Variants in PHF14 observed in about 807,000 individuals in gnomAD.
The protein encoded by PHF14 is PHD finger protein 14.
In PHF14, 55 loss-of-function variants were observed where a neutral mutation model predicts 117.9. The ratio of observed to expected loss-of-function variants is 0.47; its 90% CI spans 0.38 to 0.58. PHF14 has a LOEUF of 0.58. Among genes scored for constraint, PHF14 ranks in the 20% least tolerant of loss-of-function variants. The probability of loss-of-function intolerance (pLI) is 0.00; values close to 1 mark genes in which losing one functional copy is unlikely to be tolerated. For missense variants in PHF14, 978 were observed against 1,122.2 expected, an observed-to-expected ratio of 0.87 and a Z score of 1.84; for synonymous variants, 409 against 368.6, an observed-to-expected ratio of 1.11 and a Z score of -1.26.
At chr7:10,977,405 T>C (rs1375716719) in intron 2 of PHF14, among the ~76,000 whole-genome samples, 1 of 152,172 alleles carries the variant, frequency 6.6e-6, no homozygotes. Flanking sequence ...TCTTCTTACC[T>C]TCATCTTGAA....
intron 7 of PHF14, among the ~76,000 whole-genome samples, chr7:11,033,229 C>T (rs779077557): frequency 6.6e-6 from 1 of 152,132 alleles, no homozygotes; most frequent in East Asian, 1.9e-4. Flanking sequence ...AACCAAGTAA[C>T]GAGTTGCTTA....
At chr7:11,011,035 A>G (rs1021775405) in intron 4 of PHF14, among the ~76,000 whole-genome samples, 1 of 152,196 alleles carries the variant, frequency 6.6e-6, no homozygotes, top group African/African-American at 2.4e-5. Context: ...TGCTTGAAGC[A>G]GCTTGTGTAA....
At chr7:11,076,397 T>C (rs950397996) in intron 16 of PHF14, among the ~76,000 whole-genome samples, 4 of 152,270 alleles carry the variant, frequency 2.6e-5, no homozygotes, top group Non-Finnish European at 4.4e-5. Context: ...TCTATTCTTA[T>C]AAGTATGCTG....
chr7:11,107,681 TATA>T (rs1336888848), intron 16 of PHF14: 1 of 658,274 alleles, frequency 1.5e-6, no homozygotes, highest in African/African-American at 2.0e-5. Context: ...GTGCTATTCG[TATA>T]ATAATCTGTT....
chr7:11,029,549 C>T (rs1784049560), intron 7 of PHF14, among the ~76,000 whole-genome samples: 1 of 152,132 alleles, frequency 6.6e-6, no homozygotes, highest in Admixed American at 6.5e-5. Flanking sequence ...CCACTCTCCT[C>T]ACTCAATTTT....
Position 11,052,211 on chromosome 7 carries a change from G to A in PHF14, c.2481+431G>A, listed in dbSNP as rs181450510. On this transcript the variant is annotated intron_variant, in intron 14 of 17. Transcript: ENST00000634607. The stretch of plus-strand genomic sequence containing the variant: ...AATAATACATGGTTTATTTTTGTAG[G>A]TTTTGAATTTCATATGAATGGAATC... Among the ~76,000 whole-genome samples the A allele has an allele frequency of 2.3e-3, 344 of 152,192 alleles. 1 individual carries two copies. The highest frequency in any genetic ancestry group is 7.8e-3 in the African/African-American group (325 of 41,538).
intron 14 of PHF14, among the ~76,000 whole-genome samples, chr7:11,055,714 C>T (rs1052665073): frequency 6.6e-6 from 1 of 152,044 alleles, no homozygotes; most frequent in African/African-American, 2.4e-5. Context: ...AATCAAATAT[C>T]CTAGAGCCTA....
At chr7:10,999,289 C>G (rs1782773214) in intron 4 of PHF14, among the ~76,000 whole-genome samples, 1 of 152,200 alleles carries the variant, frequency 6.6e-6, no homozygotes, top group South Asian at 2.1e-4. Context: ...AAACCACTTA[C>G]TCATTTTTGT....
At chr7:11,036,827 T>C (rs982791078) in intron 9 of PHF14, 139 bp downstream of exon 9, 1 of 977,356 alleles carries the variant, frequency 1.0e-6, no homozygotes, top group Non-Finnish European at 1.5e-6. Context: ...CCTAATATGT[T>C]GTGGGTTTTT....
chr7:11,062,215 T>C, intron 16 of PHF14, 130 bp downstream of exon 16: 1 of 665,836 alleles, frequency 1.5e-6, no homozygotes. Flanking sequence ...GAAACAGTAC[T>C]TTAGAAACAG....
intron 10 of PHF14, 46 bp from the exon 11 acceptor site, chr7:11,038,714 T>C (rs1376278733): frequency 1.3e-6 from 1 of 749,968 alleles, no homozygotes; most frequent in Non-Finnish European, 2.2e-6. Flanking sequence ...ATTTCTTAAA[T>C]TGTCAGATAT....
chr7:10,981,177 C>G (rs759355188), intron 2 of PHF14, among the ~76,000 whole-genome samples: 1 of 152,098 alleles, frequency 6.6e-6, no homozygotes, highest in South Asian at 2.1e-4. Flanking sequence ...TAGTTAATTA[C>G]AGAGGTTAAG....
intron 17 of PHF14, among the ~76,000 whole-genome samples, chr7:11,138,274 C>T (rs1335995245): frequency 6.6e-6 from 1 of 151,808 alleles, no homozygotes. Flanking sequence ...ATCTCCTGAC[C>T]TCGTGATCCA....
chr7:11,041,985 C>CA (rs1244758829), intron 12 of PHF14, among the ~76,000 whole-genome samples: 1 of 151,514 alleles, frequency 6.6e-6, no homozygotes, highest in Non-Finnish European at 1.5e-5. Flanking sequence ...CTTGTGTACG[C>CA]AGGTGTAGTT....
intron 17 of PHF14, among the ~76,000 whole-genome samples, chr7:11,151,393 T>C (rs542391320): frequency 9.2e-4 from 139 of 151,906 alleles, no homozygotes; most frequent in Non-Finnish European, 1.5e-3. Flanking sequence ...ACCCTCTCTA[T>C]AAAAAATAAA....
intron 17 of PHF14, among the ~76,000 whole-genome samples, chr7:11,159,073 C>T (rs1014281796): frequency 2.0e-5 from 3 of 151,948 alleles, no homozygotes; most frequent in Admixed American, 2.0e-4. Flanking sequence ...TATTTTATAT[C>T]TTAATGCAAA....
At chr7:11,051,825 C>G (rs1295125822) in intron 14 of PHF14, 45 bp downstream of exon 14, 1 of 1,524,536 alleles carries the variant, frequency 6.6e-7, no homozygotes, top group Non-Finnish European at 9.0e-7. Flanking sequence ...AATTCTGAGG[C>G]CAAAATTTAA....
At chr7:10,992,505 A>ATACAAAAATTAGCCGGGCGTGGTGGC (rs1782497356) in intron 4 of PHF14, among the ~76,000 whole-genome samples, 1 of 151,738 alleles carries the variant, frequency 6.6e-6, no homozygotes. Context: ...TCTACTAAAA[A>ATACAAAAATTAGCCGGGCGTGGTGGC]TACAAAAATT....
chr7:11,113,419 T>C (rs970766049), intron 17 of PHF14, among the ~76,000 whole-genome samples: 2 of 152,166 alleles, frequency 1.3e-5, no homozygotes, highest in Non-Finnish European at 2.9e-5. Flanking sequence ...GGCACATTGT[T>C]AGAAAACTTG....
Sources: gnomAD v4.1 joint callset for allele counts (sites outside exome capture counted in the v4.1 genomes callset) on GRCh38, gnomAD v4.1.1 for gene constraint, MANE v1.5 for transcripts, NCBI Gene and HGNC (gene_info 2026-07-23, HGNC 2026-07-21) for gene names.